TENM4: variants seen among roughly 807,000 people sequenced by gnomAD.
TENM4 encodes teneurin-4.
Under a neutral mutation model 243.3 loss-of-function variants are expected in TENM4, and 82 were observed. That is an observed-to-expected ratio of 0.34 (90% CI 0.28 to 0.40). TENM4 has a LOEUF of 0.40. Among genes scored for constraint, TENM4 ranks in the 10% least tolerant of loss-of-function variants. The pLI is 1.00. For missense variants in TENM4, 3,138 were observed against 3,673.3 expected, an observed-to-expected ratio of 0.85 and a Z score of 3.77; for synonymous variants, 1,412 against 1,456.3, an observed-to-expected ratio of 0.97 and a Z score of 0.69.
At chr11:78,721,538 T>G (rs537531162) in intron 24 of TENM4, among the ~76,000 whole-genome samples, 14 of 152,340 alleles carry the variant, frequency 9.2e-5, no homozygotes, top group African/African-American at 3.4e-4. Flanking sequence ...TGTAATGATC[T>G]CTGGATTCGG....
rs899282657 is a variant in TENM4 at position 78,842,618 on chromosome 11, G to A, written c.1681+11486C>T. 3.3e-5 allele frequency among the ~76,000 whole-genome samples: 5 copies of A among 152,332 alleles called. No homozygotes were observed. In the East Asian group the frequency reaches 7.7e-4, roughly 24 times the overall value. On this transcript the variant is annotated intron_variant, in intron 12 of 33. Transcript: ENST00000278550. ...CCTCATTTTCCAGGCTCTCCTCTGG[G>A]TATCACCCTCTCATGTACTCCTCCT...
At chr11:79,401,165 A>C (rs1200572321) in intron 1 of TENM4, among the ~76,000 whole-genome samples, 1 of 152,174 alleles carries the variant, frequency 6.6e-6, no homozygotes, top group Non-Finnish European at 1.5e-5. Context: ...GGTGTCCTTC[A>C]CCTTTTTGTT....
chr11:79,018,341 C>A (rs879609243), intron 6 of TENM4, among the ~76,000 whole-genome samples: 7 of 152,150 alleles, frequency 4.6e-5, no homozygotes, highest in South Asian at 2.1e-4. Context: ...CAGCAGCTGG[C>A]TCCTTGGTCT....
intron 3 of TENM4, among the ~76,000 whole-genome samples, chr11:79,197,245 C>T (rs1482775910): frequency 6.6e-5 from 10 of 151,814 alleles, no homozygotes; most frequent in Admixed American, 1.3e-4. Flanking sequence ...CCCATTTGAG[C>T]GGGGAGAAAA....
At chr11:78,732,666 A>G in intron 20 of TENM4, 89 bp from the exon 21 acceptor site, 1 of 1,412,270 alleles carries the variant, frequency 7.1e-7, no homozygotes, top group South Asian at 1.6e-5. Flanking sequence ...AAGGGGAGAA[A>G]ATTACACCAA....
chr11:78,991,066 G>A (rs981453096), intron 6 of TENM4, among the ~76,000 whole-genome samples: 28 of 152,234 alleles, frequency 1.8e-4, no homozygotes, highest in African/African-American at 5.1e-4. Context: ...CTCAGATGGC[G>A]CATGGGGTGT....
chr11:78,915,750 C>T (rs1856301079), intron 6 of TENM4, among the ~76,000 whole-genome samples: 1 of 152,158 alleles, frequency 6.6e-6, no homozygotes, highest in Admixed American at 6.5e-5. Context: ...GGTCATTTTC[C>T]AAATTCTAAC....
At chr11:79,131,896 TC>T (rs1862010106) in intron 4 of TENM4, among the ~76,000 whole-genome samples, 1 of 151,990 alleles carries the variant, frequency 6.6e-6, no homozygotes, top group African/African-American at 2.4e-5. Flanking sequence ...TATTCTTATA[TC>T]AGACAAAACA....
At chr11:78,758,966 G>A (rs1856375320) in intron 18 of TENM4, among the ~76,000 whole-genome samples, 1 of 152,200 alleles carries the variant, frequency 6.6e-6, no homozygotes, top group Admixed American at 6.5e-5. Flanking sequence ...TAGATAAAAA[G>A]TGCAGCATTA....
chr11:79,260,639 T>C (rs535710539), intron 2 of TENM4, among the ~76,000 whole-genome samples: 12 of 152,302 alleles, frequency 7.9e-5, no homozygotes, highest in Middle Eastern at 3.4e-3. Flanking sequence ...GTAGAGGGAC[T>C]CAGTGGACTC....
chr11:79,240,548 T>G (rs1864570498), intron 2 of TENM4, among the ~76,000 whole-genome samples: 1 of 152,100 alleles, frequency 6.6e-6, no homozygotes, highest in Admixed American at 6.5e-5. Flanking sequence ...TCATCCAAGG[T>G]CACACAACTA....
At chr11:78,812,422 C>T (rs1206243210) in intron 13 of TENM4, 106 bp from the exon 14 acceptor site, 14 of 1,319,606 alleles carry the variant, frequency 1.1e-5, no homozygotes, top group Non-Finnish European at 1.5e-5. Context: ...GTAGCCTCAA[C>T]TGCTCTGCCA....
At chr11:79,117,080 A>G (rs1437314445) in intron 4 of TENM4, among the ~76,000 whole-genome samples, 1 of 152,138 alleles carries the variant, frequency 6.6e-6, no homozygotes, top group East Asian at 1.9e-4. Context: ...TAGCTGTTCA[A>G]TTCACTGTGA....
rs573870329 is a variant in TENM4 at position 78,824,450 on chromosome 11, T to G, written c.1682-10055A>C. Among the ~76,000 whole-genome samples, 4 of 151,456 alleles carry G rather than the reference T, an allele frequency of 2.6e-5. No homozygotes were observed. In the South Asian group the frequency reaches 8.4e-4, roughly 32 times the overall value. On this transcript the variant is annotated intron_variant, in intron 12 of 33. Transcript: ENST00000278550. ...ATAGTACACACTCCCTTTTCAGAAATCTCCTCCCATGATCTAATCACCCCC... is the reference window on the plus strand; with the variant it reads ...ATAGTACACACTCCCTTTTCAGAAAGCTCCTCCCATGATCTAATCACCCCC...
At chr11:78,906,317 C>G (rs1246959056) in intron 6 of TENM4, among the ~76,000 whole-genome samples, 1 of 152,182 alleles carries the variant, frequency 6.6e-6, no homozygotes, top group Non-Finnish European at 1.5e-5. Context: ...ATTCAGTCTA[C>G]CAAACCATGG....
intron 4 of TENM4, among the ~76,000 whole-genome samples, chr11:79,134,634 G>T (rs1346613654): frequency 6.6e-6 from 1 of 152,102 alleles, no homozygotes; most frequent in Non-Finnish European, 1.5e-5. Context: ...GTGTGGAACT[G>T]GTATAAAAAT....
Position 78,891,320 on chromosome 11 carries a change from G to C in TENM4, c.766C>G (p.Pro256Ala), listed in dbSNP as rs373286228. Residue 256 changes from proline (P) to alanine (A), a missense_variant, in exon 8 of 34, where the codon CCA (proline) becomes GCA (alanine). By Grantham distance (27) the Pro-to-Ala change is conservative. Coordinates refer to ENST00000278550, the MANE Select transcript of TENM4 (RefSeq NM_001098816.3). The part of the protein sequence containing the change: ...PLETRNLGKQ[P>A]FLGTLQDNLI... Reference sequence around the variant, plus strand: ...TTGTCCTGCAATGTCCCTAGGAATGGCTGCTTGCCTAGGTTTCTACGCACA... The same window carrying C: ...TTGTCCTGCAATGTCCCTAGGAATGCCTGCTTGCCTAGGTTTCTACGCACA... 22 of 1,551,462 alleles carry C rather than the reference G, an allele frequency of 1.4e-5. No homozygotes were observed. The African/African-American group carries it at 2.3e-4, about 16-fold the overall frequency.
intron 30 of TENM4, among the ~76,000 whole-genome samples, chr11:78,672,935 C>T (rs935463880): frequency 2.0e-5 from 3 of 152,020 alleles, no homozygotes; most frequent in Non-Finnish European, 4.4e-5. Flanking sequence ...CTGCTTGCCA[C>T]TACAATCAGG....
At chr11:79,023,926 G>A (rs1405420537) in intron 6 of TENM4, among the ~76,000 whole-genome samples, 1 of 152,188 alleles carries the variant, frequency 6.6e-6, no homozygotes, top group Non-Finnish European at 1.5e-5. Flanking sequence ...TACCAGATAC[G>A]ATGGCACCTA....
Sources: gnomAD v4.1 joint callset for allele counts (sites outside exome capture counted in the v4.1 genomes callset) on GRCh38, gnomAD v4.1.1 for gene constraint, MANE v1.5 for transcripts, NCBI Gene and HGNC (gene_info 2026-07-23, HGNC 2026-07-21) for gene names.